Variants in SYNGR1 observed in about 807,000 individuals in gnomAD.
The protein encoded by SYNGR1 is synaptogyrin-1.
SYNGR1 carries 14 observed loss-of-function variants against 26.1 expected under a neutral mutation model. That is an observed-to-expected ratio of 0.54 (90% CI 0.35 to 0.84). SYNGR1 has a LOEUF of 0.84. SYNGR1 is among the 40% of genes least tolerant of loss of function. The pLI is 0.01. For missense variants in SYNGR1, 319 were observed against 332.9 expected, an observed-to-expected ratio of 0.96 and a Z score of 0.33; for synonymous variants, 141 against 150.1, an observed-to-expected ratio of 0.94 and a Z score of 0.44.
At chr22:39,359,381 G>A (rs181787238) in intron 1 of SYNGR1, among the ~76,000 whole-genome samples, 334 of 152,028 alleles carry the variant, frequency 2.2e-3, no homozygotes, top group Middle Eastern at 0.017. Flanking sequence ...TAGCATTTTG[G>A]GAGGCCAAGG....
rs1275602154 is a variant in SYNGR1 at position 39,350,871 on chromosome 22, C to T, written c.99+762C>T. Among the ~76,000 whole-genome samples, 1 of 152,180 alleles carries T rather than the reference C, an allele frequency of 6.6e-6. No homozygotes were observed. The highest frequency in any genetic ancestry group is 2.1e-4 in the South Asian group (1 of 4,826). On this transcript the variant is annotated intron_variant, in intron 1 of 3. Coordinates refer to ENST00000328933, the MANE Select transcript of SYNGR1 (RefSeq NM_004711.5). The surrounding 1 kb of genome is among the most constrained non-coding windows in gnomAD (Gnocchi z 4.3). ...AACACCCCTCCCACTCAGCATGCACCTGGATGCCCAAGGCGGGTGTCTGGG... is the reference window on the plus strand; with the variant it reads ...AACACCCCTCCCACTCAGCATGCACTTGGATGCCCAAGGCGGGTGTCTGGG...
chr22:39,359,444 AC>A (rs1223718470), intron 1 of SYNGR1, among the ~76,000 whole-genome samples: 4 of 143,414 alleles, frequency 2.8e-5, no homozygotes, highest in African/African-American at 7.5e-5. Flanking sequence ...AGACAGTGAA[AC>A]CCCGTCTCTA....
chr22:39,357,264 CAA>C (rs879475246), intron 1 of SYNGR1, among the ~76,000 whole-genome samples: 2 of 140,148 alleles, frequency 1.4e-5, no homozygotes, highest in Non-Finnish European at 1.6e-5. Context: ...GACTCTGTTT[CAA>C]AAAAAAAAAA....
intron 1 of SYNGR1, among the ~76,000 whole-genome samples, chr22:39,365,711 C>T (rs1414162314): frequency 2.0e-5 from 3 of 152,150 alleles, no homozygotes; most frequent in Non-Finnish European, 4.4e-5. Context: ...TTCCCTGAGC[C>T]TCAGTTTCCC....
chr22:39,378,606 C>G (rs548938908), intron 3 of SYNGR1, among the ~76,000 whole-genome samples: 31 of 152,338 alleles, frequency 2.0e-4, no homozygotes, highest in African/African-American at 7.5e-4. Context: ...GACAGTTCCC[C>G]CAAAGCAATG....
intron 2 of SYNGR1, 141 bp downstream of exon 2, chr22:39,374,694 C>T: frequency 1.1e-6 from 1 of 889,672 alleles, no homozygotes; most frequent in Non-Finnish European, 1.8e-6. Flanking sequence ...CTCAGGGTCA[C>T]ATGGCTGGCA....
intron 1 of SYNGR1, among the ~76,000 whole-genome samples, chr22:39,355,713 G>A (rs1041635939): frequency 4.6e-5 from 7 of 152,218 alleles, no homozygotes; most frequent in South Asian, 2.1e-4. Flanking sequence ...GAGGCCTCGA[G>A]AGTTTATAAA....
chr22:39,351,814 C>T (rs945808848), intron 1 of SYNGR1, among the ~76,000 whole-genome samples: 3 of 152,220 alleles, frequency 2.0e-5, no homozygotes, highest in African/African-American at 7.2e-5. Context: ...CCAGGTGCCC[C>T]CAGGCAGAGG....
At chr22:39,369,793 G>A (rs1307972491) in intron 1 of SYNGR1, among the ~76,000 whole-genome samples, 1 of 152,234 alleles carries the variant, frequency 6.6e-6, no homozygotes, top group African/African-American at 2.4e-5. Context: ...TCACGGGTCT[G>A]AAGTCTCATG....
intron 1 of SYNGR1, among the ~76,000 whole-genome samples, chr22:39,358,453 A>G (rs947251757): frequency 2.6e-5 from 4 of 151,954 alleles, no homozygotes; most frequent in African/African-American, 9.7e-5. Flanking sequence ...GCTACTGCTC[A>G]CTCTTTGGGT....
Position 39,378,042 on chromosome 22 carries a change from G to A in SYNGR1, c.483+1845G>A, listed in dbSNP as rs1925365318. ...CGTGGACAGTTACCAGGTAGGTAGC[G>A]GCCCCATACATGGGCTGCCTAGAGG... On this transcript the variant is annotated intron_variant, in intron 3 of 3. Transcript: ENST00000328933. 8 of 1,192,360 alleles carry A rather than the reference G, an allele frequency of 6.7e-6. 1 individual carries two copies. Among genetic ancestry groups the A allele is most frequent in the African/African-American group, 6.4e-5 (4 of 62,668 alleles). 73.9% of individuals were successfully genotyped at this position (1,192,360 alleles called of 1,614,324 possible).
In SYNGR1 at chr22:39,350,448, C is replaced by G. The variant is rs1231435882; in HGVS notation, c.99+339C>G. Among the ~76,000 whole-genome samples the G allele has an allele frequency of 6.6e-6, 1 of 152,182 alleles. No homozygotes were observed. Among genetic ancestry groups the G allele is most frequent in the Non-Finnish European group, 1.5e-5 (1 of 68,030 alleles). On this transcript the variant is annotated intron_variant, in intron 1 of 3. Transcript: ENST00000328933. This position sits in a 1 kb window ranked among gnomAD's most constrained non-coding sequence, Gnocchi z 4.3. ...AAAGGCTCGGATTGTGCGCGGCCGC[C>G]AGGGCGGACTGGGGACCGTGGGGAC...
intron 1 of SYNGR1, among the ~76,000 whole-genome samples, chr22:39,358,462 GT>G (rs1213882873): frequency 1.3e-5 from 2 of 152,146 alleles, no homozygotes; most frequent in Non-Finnish European, 2.9e-5. Flanking sequence ...CACTCTTTGG[GT>G]CCACACTACT....
chr22:39,363,234 T>A (rs1924572420), intron 1 of SYNGR1, among the ~76,000 whole-genome samples: 2 of 151,198 alleles, frequency 1.3e-5, no homozygotes, highest in Admixed American at 1.3e-4. Flanking sequence ...TGGGGGAAGG[T>A]CTTTACCTGG....
intron 1 of SYNGR1, among the ~76,000 whole-genome samples, chr22:39,365,554 G>A (rs761939607): frequency 5.3e-5 from 8 of 152,340 alleles, no homozygotes; most frequent in Admixed American, 3.3e-4. Context: ...GGCTTGTGTC[G>A]TGCTTTGGGG....
In SYNGR1 at chr22:39,377,759, G is replaced by C; in HGVS notation, c.483+1562G>C. ...GCAGTGAGGTGGCAGGAGCAGCCTA[G>C]TGCCAGAAATGTCCAAGATGCCAGG... On this transcript the variant is annotated intron_variant, in intron 3 of 3. Coordinates refer to ENST00000328933, the MANE Select transcript of SYNGR1 (RefSeq NM_004711.5). 1.9e-6 allele frequency: 3 copies of C among 1,581,082 alleles called. No individual in the cohort carries two copies. In the South Asian group the frequency reaches 3.4e-5, roughly 18 times the overall value.
chr22:39,380,763 G>A (rs1451594989), intron 3 of SYNGR1, among the ~76,000 whole-genome samples: 2 of 151,766 alleles, frequency 1.3e-5, no homozygotes, highest in African/African-American at 4.8e-5. Flanking sequence ...TGGGATTACA[G>A]GTGATGCCAC....
Position 39,384,717 on chromosome 22 carries a change from C to T in SYNGR1, c.*2803C>T. The T allele has an allele frequency of 5.0e-6, 2 of 399,196 alleles. No homozygotes were observed. The highest frequency in any genetic ancestry group is 7.1e-5 in the East Asian group (2 of 28,214). The allele number at this position is 399,196 out of a possible 1,614,324, so 24.7% of individuals were successfully genotyped here. A position where few individuals can be genotyped will look rare whatever the true frequency, so the allele number is the denominator to read the frequency against. The stretch of plus-strand genomic sequence containing the variant: ...AAAGCTTTCCTTGGAGAAGGGCCCT[C>T]CTGCAGCTGGACCCTGCAGGGTGGC... On this transcript the variant is annotated 3_prime_UTR_variant, in exon 4 of 4. Transcript: ENST00000328933.
intron 1 of SYNGR1, among the ~76,000 whole-genome samples, chr22:39,356,607 CAGG>C (rs1924156409): frequency 1.3e-5 from 2 of 151,906 alleles, no homozygotes; most frequent in South Asian, 4.2e-4. Flanking sequence ...GAGGAGAAGC[CAGG>C]AGGAGGAGGG....
Sources: gnomAD v4.1 joint callset for allele counts (sites outside exome capture counted in the v4.1 genomes callset) on GRCh38, gnomAD v4.1.1 for gene constraint, Gnocchi (gnomAD v3.1) non-coding constraint, MANE v1.5 for transcripts, NCBI Gene and HGNC (gene_info 2026-07-23, HGNC 2026-07-21) for gene names.